Variants in CDH23 observed in about 807,000 individuals in gnomAD.
The protein encoded by CDH23 is cadherin-23.
A neutral mutation model predicts 317.1 loss-of-function variants in CDH23; 189 were observed. That is an observed-to-expected ratio of 0.60 (90% CI 0.53 to 0.67). CDH23 has a LOEUF of 0.67. Among genes scored for constraint, CDH23 ranks in the 30% least tolerant of loss-of-function variants. CDH23 has a pLI of 0.00. For missense variants in CDH23, 4,401 were observed against 4,592.4 expected, an observed-to-expected ratio of 0.96 and a Z score of 1.20; for synonymous variants, 1,839 against 1,876.8, an observed-to-expected ratio of 0.98 and a Z score of 0.52.
chr10:71,643,379 C>G (rs374900216), intron 11 of CDH23, among the ~76,000 whole-genome samples: 47 of 152,274 alleles, frequency 3.1e-4, no homozygotes, highest in African/African-American at 1.1e-3. Context: ...CTCTGCTCAT[C>G]ATGTCTCTGA....
intron 46 of CDH23, chr10:71,790,767 C>A: frequency 2.2e-6 from 1 of 462,994 alleles, no homozygotes; most frequent in Non-Finnish European, 3.9e-6. Flanking sequence ...TCCAACCAGA[C>A]CATGCCACAT....
At chr10:71,762,148 G>C (rs1055999273) in intron 38 of CDH23, 1 of 1,173,790 alleles carries the variant, frequency 8.5e-7, no homozygotes, top group African/African-American at 1.5e-5. Flanking sequence ...CATGTCAGCT[G>C]ACCTCCCTAA....
intron 15 of CDH23, among the ~76,000 whole-genome samples, chr10:71,676,089 G>A (rs1864355830): frequency 6.6e-6 from 1 of 151,224 alleles, no homozygotes; most frequent in African/African-American, 2.4e-5. Flanking sequence ...TGTATTTTTA[G>A]TAGAGATGGG....
intron 9 of CDH23, among the ~76,000 whole-genome samples, chr10:71,593,332 A>G (rs932379383): frequency 3.2e-4 from 48 of 152,250 alleles, no homozygotes; most frequent in African/African-American, 1.1e-3. Flanking sequence ...GGTAGACTCC[A>G]GATGGATTCA....
At chr10:71,483,958 G>A (rs867206481) in intron 3 of CDH23, among the ~76,000 whole-genome samples, 2 of 152,124 alleles carry the variant, frequency 1.3e-5, no homozygotes, top group Non-Finnish European at 2.9e-5. Context: ...TTGCTGCGGA[G>A]CCTTCAAAGG....
chr10:71,712,614 T>C (rs1198788382), intron 27 of CDH23, 51 bp from the exon 28 acceptor site: 1 of 1,602,000 alleles, frequency 6.2e-7, no homozygotes, highest in African/African-American at 1.3e-5. Context: ...ACAGGAAGTG[T>C]GCCCCTCTCT....
At chr10:71,617,570 T>G (rs370228204) in intron 11 of CDH23, 177 bp downstream of exon 11, 1 of 1,454,064 alleles carries the variant, frequency 6.9e-7, no homozygotes, top group South Asian at 1.4e-5. Flanking sequence ...TACTTTTGGA[T>G]TATCCCCTAC....
In CDH23 at chr10:71,751,970, C is replaced by A; in HGVS notation, c.4845+10049C>A. 8.4e-7 allele frequency: 1 copy of A among 1,196,934 alleles called. No homozygotes were observed. The highest frequency in any genetic ancestry group is 1.2e-6 in the Non-Finnish European group (1 of 837,280). 74.1% of individuals were successfully genotyped at this position (1,196,934 alleles called of 1,614,324 possible). ...CCTTTCTCTCACCTACATCCCCATCCCCAAGCCTCAGCAGCATCTCCAAGC... is the reference window on the plus strand; with the variant it reads ...CCTTTCTCTCACCTACATCCCCATCACCAAGCCTCAGCAGCATCTCCAAGC... On this transcript the variant is annotated intron_variant, in intron 38 of 69. Transcript: ENST00000224721. The surrounding 1 kb of genome is among the most constrained non-coding windows in gnomAD (Gnocchi z 4.9).
At chr10:71,547,982 G>T (rs1856377885) in intron 6 of CDH23, among the ~76,000 whole-genome samples, 1 of 152,240 alleles carries the variant, frequency 6.6e-6, no homozygotes, top group Non-Finnish European at 1.5e-5. Flanking sequence ...CGTGGGGTAG[G>T]GTCAGTCGGA....
chr10:71,805,696 C>A, intron 55 of CDH23, 110 bp from the exon 56 acceptor site: 1 of 1,113,920 alleles, frequency 9.0e-7, no homozygotes, highest in Non-Finnish European at 1.2e-6. Flanking sequence ...GTGCTGTAAG[C>A]TGTTGAGGAC....
chr10:71,642,438 G>A (rs1203356440), intron 11 of CDH23, among the ~76,000 whole-genome samples: 3 of 114,580 alleles, frequency 2.6e-5, no homozygotes, highest in African/African-American at 3.3e-5. Flanking sequence ...TCACTCTGTC[G>A]CCCAGACTGG....
At chr10:71,736,049 G>T (rs1839555711) in intron 34 of CDH23, among the ~76,000 whole-genome samples, 1 of 152,270 alleles carries the variant, frequency 6.6e-6, no homozygotes, top group South Asian at 2.1e-4. Flanking sequence ...TGGGAGGAGA[G>T]GCCAGTGGGA....
chr10:71,661,611 C>G (rs1288416018), intron 14 of CDH23, among the ~76,000 whole-genome samples: 2 of 152,122 alleles, frequency 1.3e-5, no homozygotes, highest in African/African-American at 4.8e-5. Flanking sequence ...TTAGGACATT[C>G]TGATAACTGG....
At chr10:71,454,038 G>A (rs1351653332) in intron 3 of CDH23, among the ~76,000 whole-genome samples, 1 of 152,236 alleles carries the variant, frequency 6.6e-6, no homozygotes, top group African/African-American at 2.4e-5. Flanking sequence ...GTAACAGTCT[G>A]TATTGTCCAC....
chr10:71,611,271 C>T (rs1589260726), intron 9 of CDH23, among the ~76,000 whole-genome samples: 2 of 152,196 alleles, frequency 1.3e-5, no homozygotes, highest in African/African-American at 4.8e-5. Flanking sequence ...CACCCACCAT[C>T]CTGAATGAGG....
chr10:71,608,478 T>C (rs577500962), intron 9 of CDH23, among the ~76,000 whole-genome samples: 15 of 152,296 alleles, frequency 9.8e-5, no homozygotes, highest in Non-Finnish European at 1.8e-4. Context: ...CATGGCTTTT[T>C]TCTTCTCTTC....
At chr10:71,706,490 T>C (rs1399630417) in intron 25 of CDH23, among the ~76,000 whole-genome samples, 2 of 152,158 alleles carry the variant, frequency 1.3e-5, no homozygotes, top group East Asian at 3.9e-4. Context: ...CATGTGGTCC[T>C]GTATGGGAAG....
At chr10:71,752,176 G>A (rs1433651566) in intron 38 of CDH23, 1 of 482,022 alleles carries the variant, frequency 2.1e-6, no homozygotes, top group East Asian at 4.6e-5. Flanking sequence ...TTCAGCCTCA[G>A]GAATTTGGGG....
At chr10:71,551,441 G>C (rs180800591) in intron 6 of CDH23, among the ~76,000 whole-genome samples, 1 of 152,156 alleles carries the variant, frequency 6.6e-6, no homozygotes. Flanking sequence ...TCGAGTCTCC[G>C]CATTCTTCAT....
Sources: allele counts gnomAD v4.1 joint callset (sites outside exome capture counted in the v4.1 genomes callset), GRCh38; gene constraint gnomAD v4.1.1; non-coding constraint Gnocchi (gnomAD v3.1); transcripts MANE v1.5; gene names NCBI Gene and HGNC (gene_info 2026-07-23, HGNC 2026-07-21).